The following DNAH9 variants were observed in gnomAD, a reference collection of about 807,000 sequenced individuals.
DNAH9 encodes dynein axonemal heavy chain 9.
A neutral mutation model predicts 471.6 loss-of-function variants in DNAH9; 345 were observed. The observed-to-expected ratio is 0.73, with a 90% CI of 0.67 to 0.80. DNAH9 has a LOEUF of 0.80. DNAH9 is among the 30% of genes least tolerant of loss of function. DNAH9 has a pLI of 0.00. For synonymous variants in DNAH9, 2,093 were observed against 2,123.6 expected, an observed-to-expected ratio of 0.99 and a Z score of 0.40; for missense variants, 5,407 against 5,609.2, an observed-to-expected ratio of 0.96 and a Z score of 1.15.
chr17:11,741,159 G>T (rs896239916), intron 29 of DNAH9, among the ~76,000 whole-genome samples: 1 of 152,126 alleles, frequency 6.6e-6, no homozygotes, highest in South Asian at 2.1e-4. Context: ...AAGAAAAAAT[G>T]TGCTCGAATG....
intron 67 of DNAH9, among the ~76,000 whole-genome samples, chr17:11,942,707 GGAAA>G (rs1393799108): frequency 6.6e-6 from 1 of 152,088 alleles, no homozygotes; most frequent in Admixed American, 6.5e-5. Context: ...TCGTCAACAA[GGAAA>G]GAGTCTACAA....
intron 31 of DNAH9, 90 bp downstream of exon 31, chr17:11,745,174 GT>G: frequency 9.0e-7 from 1 of 1,113,732 alleles, no homozygotes. Context: ...CCAAAGGGTT[GT>G]TTTAGATGTA....
chr17:11,664,586 C>T (rs969938011), intron 14 of DNAH9, among the ~76,000 whole-genome samples: 57 of 152,214 alleles, frequency 3.7e-4, no homozygotes, highest in Admixed American at 3.7e-3. Flanking sequence ...TTCTGAGAAG[C>T]TGGGCCAACC....
intron 38 of DNAH9, among the ~76,000 whole-genome samples, chr17:11,771,845 A>G (rs1006378101): frequency 6.6e-6 from 1 of 152,254 alleles, no homozygotes; most frequent in African/African-American, 2.4e-5. Context: ...ACTTATCAGG[A>G]GTGTGAATCT....
rs777484805 is a variant in DNAH9 at position 11,961,942 on chromosome 17, G to A, written c.12919G>A (p.Ala4307Thr). 13 of 1,614,004 alleles carry A rather than the reference G, an allele frequency of 8.1e-6. No individual in the cohort carries two copies. In the African/African-American group the frequency reaches 1.7e-4, roughly 22 times the overall value. The change falls in exon 68 of 69, where the codon GCT becomes ACT. Residue 4307 changes from alanine (A) to threonine (T), a missense_variant. Around this residue, in one of 3 missense-constraint regions of DNAH9, gnomAD observed 4,636 missense variants for 4,900.3 expected, o/e 0.95. Coordinates refer to ENST00000262442, the MANE Select transcript of DNAH9 (RefSeq NM_001372.4). ...LYFDMVPESW[A>T]RRAYPSTAGL... ...CTTCGATATGGTGCCAGAGTCCTGGGCTAGACGAGCCTACCCTTCCACAGC... is the reference window on the plus strand; with the variant it reads ...CTTCGATATGGTGCCAGAGTCCTGGACTAGACGAGCCTACCCTTCCACAGC...
intron 19 of DNAH9, among the ~76,000 whole-genome samples, chr17:11,686,055 C>T (rs1199257090): frequency 6.6e-6 from 1 of 152,078 alleles, no homozygotes. Context: ...CCACCCGCCT[C>T]GGCCTCCAAA....
intron 61 of DNAH9, among the ~76,000 whole-genome samples, chr17:11,922,876 C>A (rs1475139429): frequency 6.6e-6 from 1 of 152,130 alleles, no homozygotes; most frequent in Non-Finnish European, 1.5e-5. Flanking sequence ...CACAAAGGAC[C>A]ACACCCATAT....
chr17:11,694,091 G>T, intron 21 of DNAH9, 93 bp downstream of exon 21: 1 of 1,489,382 alleles, frequency 6.7e-7, no homozygotes, highest in Non-Finnish European at 9.1e-7. Flanking sequence ...GTGAGTATGG[G>T]TGCCTTGCAT....
At chr17:11,935,697 T>C (rs1974690454) in intron 65 of DNAH9, among the ~76,000 whole-genome samples, 1 of 151,716 alleles carries the variant, frequency 6.6e-6, no homozygotes, top group Admixed American at 6.6e-5. Flanking sequence ...TTAGCAGTTT[T>C]TATTGGTAGG....
rs535396452 is a variant in DNAH9 at position 11,642,873 on chromosome 17, C to G, written c.1902-1758C>G. Among the ~76,000 whole-genome samples the G allele has an allele frequency of 3.3e-5, 5 of 151,684 alleles. No individual in the cohort carries two copies. The South Asian group carries it at 8.5e-4, about 26-fold the overall frequency. ...TGCCTGGCAGATGCATCTGCTCTTTCATCACAAACGTGGACTGAGTAATCA... is the reference window on the plus strand; with the variant it reads ...TGCCTGGCAGATGCATCTGCTCTTTGATCACAAACGTGGACTGAGTAATCA... On this transcript the variant is annotated intron_variant, in intron 10 of 68. Coordinates refer to ENST00000262442, the MANE Select transcript of DNAH9 (RefSeq NM_001372.4).
intron 17 of DNAH9, among the ~76,000 whole-genome samples, chr17:11,670,901 C>T (rs746377037): frequency 2.2e-4 from 33 of 152,128 alleles, no homozygotes; most frequent in Middle Eastern, 3.2e-3. Context: ...CAGGGTTTCT[C>T]CATGTTGGTC....
chr17:11,826,674 G>A (rs1467658281), intron 48 of DNAH9, among the ~76,000 whole-genome samples: 1 of 151,004 alleles, frequency 6.6e-6, no homozygotes, highest in African/African-American at 2.4e-5. Context: ...GTGTTAGCCA[G>A]GATGGTCTTG....
rs916191937 is a variant in DNAH9, at chr17:11,669,493, G to C, written c.3052G>C (p.Val1018Leu). The change falls in exon 17 of 69, where the codon GTG becomes CTG. Residue 1018 changes from valine to leucine, a missense_variant. Coordinates refer to ENST00000262442, the MANE Select transcript of DNAH9 (RefSeq NM_001372.4). Reference sequence around the variant, plus strand: ...CTTCAGCCAGTATTCGTACCTCTATGTGGAGGACCGGAAGGAGGTTCTGGG... The same window carrying C: ...CTTCAGCCAGTATTCGTACCTCTATCTGGAGGACCGGAAGGAGGTTCTGGG... Reference protein sequence around the residue: ...STFSQYSYLYVEDRKEVLGQF... With the variant: ...STFSQYSYLYLEDRKEVLGQF... 6.2e-7 allele frequency: 1 copy of C among 1,614,192 alleles called. No individual in the cohort carries two copies. Among genetic ancestry groups the C allele is most frequent in the Admixed American group, 1.7e-5 (1 of 60,026 alleles).
At chr17:11,904,123 T>C (rs991935343) in intron 60 of DNAH9, among the ~76,000 whole-genome samples, 4 of 152,152 alleles carry the variant, frequency 2.6e-5, no homozygotes, top group African/African-American at 4.8e-5. Context: ...CATGTGGCTA[T>C]AGAATTAGGT....
At chr17:11,745,145 G>C (rs1234640728) in intron 31 of DNAH9, 61 bp downstream of exon 31, 10 of 1,350,474 alleles carry the variant, frequency 7.4e-6, no homozygotes, top group Non-Finnish European at 1.0e-5. Flanking sequence ...AGGATAATGG[G>C]TTATCCTTCA....
At chr17:11,764,091 T>C (rs1967832165) in intron 36 of DNAH9, among the ~76,000 whole-genome samples, 1 of 152,188 alleles carries the variant, frequency 6.6e-6, no homozygotes, top group Admixed American at 6.5e-5. Flanking sequence ...AACTCAAAGC[T>C]GTCCAGAGAA....
At chr17:11,759,517 C>CT (rs1157505657) in intron 35 of DNAH9, among the ~76,000 whole-genome samples, 1,900 of 83,952 alleles carry the variant, frequency 0.023, 151 homozygotes, top group African/African-American at 0.058. Context: ...ATACACACCA[C>CT]TTTTTTTTTT....
intron 14 of DNAH9, among the ~76,000 whole-genome samples, chr17:11,656,967 A>AATTC (rs74276493): frequency 0.34 from 51,017 of 151,826 alleles, 8,774 homozygotes; most frequent in Middle Eastern, 0.43. Context: ...AATATAACAG[A>AATTC]ATTCATCCAG....
At chr17:11,693,738 T>C in intron 20 of DNAH9, 130 bp from the exon 21 acceptor site, 3 of 985,626 alleles carry the variant, frequency 3.0e-6, no homozygotes, top group Non-Finnish European at 4.7e-6. Flanking sequence ...TAAGGGTGTT[T>C]CCTTCGTTGA....
Sources: allele counts gnomAD v4.1 joint callset (sites outside exome capture counted in the v4.1 genomes callset), GRCh38; gene constraint gnomAD v4.1.1; regional missense constraint gnomAD v4.1.1; transcripts MANE v1.5; gene names NCBI Gene and HGNC (gene_info 2026-07-23, HGNC 2026-07-21).